IGF2R: variants seen among roughly 807,000 people sequenced by gnomAD.
IGF2R encodes the protein insulin like growth factor 2 receptor.
Under a neutral mutation model 270.6 loss-of-function variants are expected in IGF2R, and 91 were observed. The ratio of observed to expected loss-of-function variants is 0.34; its 90% CI spans 0.28 to 0.40. The LOEUF is 0.40. Ranked by LOEUF, IGF2R falls within the 10% of genes least tolerant of loss-of-function variation. The probability of loss-of-function intolerance (pLI) is 1.00; values close to 1 mark genes in which losing one functional copy is unlikely to be tolerated. For missense variants in IGF2R, 2,805 were observed against 3,188.3 expected, an observed-to-expected ratio of 0.88 and a Z score of 2.90; for synonymous variants, 1,316 against 1,258.9, an observed-to-expected ratio of 1.05 and a Z score of -0.96.
intron 7 of IGF2R, among the ~76,000 whole-genome samples, chr6:160,032,062 G>T (rs989358559): frequency 6.6e-6 from 1 of 152,232 alleles, no homozygotes; most frequent in Non-Finnish European, 1.5e-5. Flanking sequence ...TCCCAAAGGG[G>T]TTGTGGACCG....
intron 18 of IGF2R, among the ~76,000 whole-genome samples, 164 bp downstream of exon 18, chr6:160,048,707 G>A (rs1367364798): frequency 3.3e-5 from 5 of 152,236 alleles, no homozygotes; most frequent in African/African-American, 9.6e-5. Flanking sequence ...GCCTCCTGTA[G>A]GAGCAGAAGT....
intron 7 of IGF2R, among the ~76,000 whole-genome samples, chr6:160,030,603 G>T (rs1337713620): frequency 6.6e-6 from 1 of 152,192 alleles, no homozygotes; most frequent in Non-Finnish European, 1.5e-5. Flanking sequence ...ACCTACAGAT[G>T]TGAGTTGAAA....
chr6:160,056,408 G>T lies in IGF2R; in HGVS notation c.2695-16G>T, dbSNP rs1778318054. On this transcript the variant is annotated splice_polypyrimidine_tract_variant and intron_variant, in intron 19 of 47. Coordinates refer to ENST00000356956, the MANE Select transcript of IGF2R (RefSeq NM_000876.4). ...ATGTTACTGTATTGACTTTTACCCT[G>T]GATTTGCCCATTCAGAACAGCCACC... 5 of 1,564,968 alleles carry T rather than the reference G, an allele frequency of 3.2e-6. No individual in the cohort carries two copies. In the South Asian group the frequency reaches 5.5e-5, roughly 17 times the overall value.
At chr6:159,991,865 T>C (rs1783984462) in intron 2 of IGF2R, among the ~76,000 whole-genome samples, 1 of 152,178 alleles carries the variant, frequency 6.6e-6, no homozygotes, top group South Asian at 2.1e-4. Context: ...TTCGTTTCAT[T>C]CCCCAAATGT....
intron 44 of IGF2R, chr6:160,093,890 G>A (rs1222392688): frequency 1.4e-6 from 1 of 723,700 alleles, no homozygotes; most frequent in East Asian, 2.8e-5. Flanking sequence ...GACCATTCAG[G>A]AGGCTGATCA....
rs1023665073 is a variant in IGF2R, at chr6:160,073,818, C to T, written c.5009C>T (p.Thr1670Ile). Residue 1670 changes from threonine to isoleucine, a missense_variant, in exon 35 of 48, where the codon ACT becomes ATT. Transcript: ENST00000356956. ...GACTTGTCTCCCCTTATTCATCGCA[C>T]TGGTGGTTATGAGGCTTATGATGAG... ...IVDLSPLIHR[T>I]GGYEAYDESE... 3.1e-6 allele frequency: 5 copies of T among 1,614,132 alleles called. No homozygotes were observed. The highest frequency in any genetic ancestry group is 4.2e-6 in the Non-Finnish European group (5 of 1,179,974).
At chr6:160,000,367 C>G (rs1348748379) in intron 2 of IGF2R, among the ~76,000 whole-genome samples, 1 of 152,082 alleles carries the variant, frequency 6.6e-6, no homozygotes, top group Non-Finnish European at 1.5e-5. Context: ...TACACACTTT[C>G]AAACAAGCAC....
Position 160,062,589 on chromosome 6 carries a change from G to C in IGF2R, c.3640G>C (p.Val1214Leu), listed in dbSNP as rs1335525047. 6.2e-7 allele frequency: 1 copy of C among 1,613,824 alleles called. No homozygotes were observed. Among genetic ancestry groups the C allele is most frequent in the East Asian group, 2.2e-5 (1 of 44,896 alleles). Residue 1214 changes from valine to leucine, a missense_variant, in exon 26 of 48, where the codon GTG becomes CTG. By Grantham distance (32) the Val-to-Leu change is conservative. Around this residue, in one of 2 missense-constraint regions of IGF2R, gnomAD observed 1,851 missense variants for 2,207.2 expected, o/e 0.84. Transcript: ENST00000356956. ...TGAGTACGTGTTTATCTGGAGAACT[G>C]TGGAAGCCTGTCCCGTTGTCAGAGT... ...GCEYVFIWRTVEACPVVRVEG... is the reference protein window; with the variant it reads ...GCEYVFIWRTLEACPVVRVEG...
intron 1 of IGF2R, among the ~76,000 whole-genome samples, chr6:159,983,513 G>C (rs1191988260): frequency 6.6e-6 from 1 of 152,202 alleles, no homozygotes; most frequent in Non-Finnish European, 1.5e-5. Context: ...TTATGGGAAA[G>C]ATTCCGACTG....
chr6:160,065,774 A>ATG (rs1491127323), intron 29 of IGF2R, among the ~76,000 whole-genome samples: 22 of 126,408 alleles, frequency 1.7e-4, no homozygotes, highest in Non-Finnish European at 2.7e-4. Flanking sequence ...TTTCCTAGAG[A>ATG]TATGTGTATG....
chr6:160,029,600 A>C lies in IGF2R; in HGVS notation c.827A>C (p.Asp276Ala). ...REEAGKLDFC[D>A]GHSPAVTITF... ...GAGGCAGGAAAGCTAGACTTTTGTG[A>C]TGGTCACAGCCCTGCGGTGACTATT... Residue 276 changes from aspartate (D) to alanine (A), a missense_variant, in exon 7 of 48, where the codon GAT becomes GCT. Coordinates refer to ENST00000356956, the MANE Select transcript of IGF2R (RefSeq NM_000876.4). The C allele has an allele frequency of 6.2e-7, 1 of 1,614,148 alleles. No homozygotes were observed. The highest frequency in any genetic ancestry group is 8.5e-7 in the Non-Finnish European group (1 of 1,180,000).
chr6:160,023,581 C>T (rs1397984124), intron 4 of IGF2R, among the ~76,000 whole-genome samples: 1 of 152,172 alleles, frequency 6.6e-6, no homozygotes, highest in African/African-American at 2.4e-5. Context: ...GAATAACTGT[C>T]ATTATTCCAG....
At chr6:160,010,604 G>A (rs973635025) in intron 3 of IGF2R, 83 bp from the exon 4 acceptor site, 3 of 859,706 alleles carry the variant, frequency 3.5e-6, no homozygotes, top group Non-Finnish European at 5.7e-6. Context: ...TATTTTAGTA[G>A]CCTTTACTGC....
At position 160,106,114 on chromosome 6, in the gene IGF2R, A is replaced by C. The variant is rs1779612938; in HGVS notation, c.*1030A>C. On this transcript the variant is annotated 3_prime_UTR_variant, in exon 48 of 48. Transcript: ENST00000356956. ...TTTGCACAGTGTGTGACTTACAGAA[A>C]CTGCATGAAAAATCATGGGCCAGAG... The C allele has an allele frequency of 6.6e-6, 1 of 152,618 alleles. No individual in the cohort carries two copies. Among genetic ancestry groups the C allele is most frequent in the African/African-American group, 2.4e-5 (1 of 41,430 alleles). 9.5% of individuals were successfully genotyped at this position (152,618 alleles called of 1,614,324 possible). A position where few individuals can be genotyped will look rare whatever the true frequency, so the allele number is the denominator to read the frequency against.
intron 1 of IGF2R, among the ~76,000 whole-genome samples, chr6:159,981,087 C>T (rs1350031939): frequency 1.3e-5 from 2 of 152,224 alleles, no homozygotes; most frequent in African/African-American, 4.8e-5. Context: ...TGCCCACCTC[C>T]TGGGAACGCC....
chr6:160,013,919 T>G (rs1486443097), intron 4 of IGF2R, among the ~76,000 whole-genome samples: 2 of 152,222 alleles, frequency 1.3e-5, no homozygotes, highest in African/African-American at 2.4e-5. Flanking sequence ...TGAAGGTTTA[T>G]GTACTTATAA....
At chr6:160,083,609 G>A (rs1445468039) in intron 39 of IGF2R, among the ~76,000 whole-genome samples, 1 of 152,244 alleles carries the variant, frequency 6.6e-6, no homozygotes, top group Non-Finnish European at 1.5e-5. Flanking sequence ...AGGTCCCTGC[G>A]GCCTTCCGCA....
chr6:160,035,829 G>T (rs996610004), intron 10 of IGF2R, among the ~76,000 whole-genome samples: 3 of 152,108 alleles, frequency 2.0e-5, no homozygotes, highest in African/African-American at 7.2e-5. Flanking sequence ...TTGTCGCTCC[G>T]CTGCTTTACC....
chr6:160,051,109 C>T (rs1036265814), intron 19 of IGF2R, among the ~76,000 whole-genome samples: 2 of 151,950 alleles, frequency 1.3e-5, no homozygotes, highest in African/African-American at 4.8e-5. Flanking sequence ...TGCATAGCAC[C>T]GGGGAATAAA....
Sources: allele counts gnomAD v4.1 joint callset (sites outside exome capture counted in the v4.1 genomes callset), GRCh38; gene constraint gnomAD v4.1.1; regional missense constraint gnomAD v4.1.1; transcripts MANE v1.5; gene names NCBI Gene and HGNC (gene_info 2026-07-23, HGNC 2026-07-21).